DHX35: variants seen among roughly 807,000 people sequenced by gnomAD.
DHX35 encodes probable ATP-dependent RNA helicase DHX35.
DHX35 carries 84 observed loss-of-function variants against 99.6 expected under a neutral mutation model. That is an observed-to-expected ratio of 0.84 (90% CI 0.71 to 1.01). The LOEUF is 1.01. Among genes scored for constraint, DHX35 ranks in the 50% least tolerant of loss-of-function variants. DHX35 has a pLI of 0.00. For synonymous variants in DHX35, 331 were observed against 316.2 expected (o/e 1.05, Z -0.50); for missense variants, 852 against 888.5 (o/e 0.96, Z 0.52).
intron 19 of DHX35, 111 bp downstream of exon 19, chr20:39,028,610 A>C: frequency 8.2e-7 from 1 of 1,213,932 alleles, no homozygotes; most frequent in South Asian, 1.4e-5. Flanking sequence ...TGTAATTTCT[A>C]CCATGTCTCC....
intron 11 of DHX35, among the ~76,000 whole-genome samples, chr20:39,004,131 C>T (rs2086572345): frequency 6.6e-6 from 1 of 152,066 alleles, no homozygotes; most frequent in Non-Finnish European, 1.5e-5. Flanking sequence ...GGCGCGATCT[C>T]AGCTCACTGC....
At chr20:38,973,480 C>T (rs1335848322) in intron 3 of DHX35, among the ~76,000 whole-genome samples, 4 of 152,194 alleles carry the variant, frequency 2.6e-5, no homozygotes, top group Non-Finnish European at 5.9e-5. Flanking sequence ...TCTCTAACTG[C>T]CATGTCTGCT....
In DHX35 at chr20:38,993,916, G is replaced by A. The variant is rs62202579; in HGVS notation, c.583-905G>A. Among the ~76,000 whole-genome samples the A allele has an allele frequency of 8.5e-3, 1,301 of 152,178 alleles. 20 individuals are homozygous for A. Among genetic ancestry groups the A allele is most frequent in the African/African-American group, 0.03 (1,240 of 41,520 alleles). ...CAGCTAGACTGTGAGGTTCTTTTGTGCAAATTAGAAAAAGATGTTCCCTCT... is the reference window on the plus strand; with the variant it reads ...CAGCTAGACTGTGAGGTTCTTTTGTACAAATTAGAAAAAGATGTTCCCTCT... On this transcript the variant is annotated intron_variant, in intron 7 of 21. Transcript: ENST00000252011.
chr20:39,002,925 T>C lies in DHX35; in HGVS notation c.852+57T>C, dbSNP rs2086545478. 1.6e-5 allele frequency: 22 copies of C among 1,385,192 alleles called. No individual in the cohort carries two copies. In the South Asian group the frequency reaches 2.5e-4, roughly 16 times the overall value. 85.8% of individuals were successfully genotyped at this position (1,385,192 alleles called of 1,614,324 possible). A position where few individuals can be genotyped will look rare whatever the true frequency, so the allele number is the denominator to read the frequency against. The stretch of plus-strand genomic sequence containing the variant: ...CATGTTAAGACAGCACCAAAAGTAA[T>C]ACAGAGCCTTGTTACTTTACTCAGT... On this transcript the variant is annotated intron_variant, in intron 10 of 21. Transcript: ENST00000252011.
At chr20:39,032,714 CA>C (rs2087076088) in intron 20 of DHX35, among the ~76,000 whole-genome samples, 1 of 152,172 alleles carries the variant, frequency 6.6e-6, no homozygotes, top group African/African-American at 2.4e-5. Flanking sequence ...CAGGCCATGC[CA>C]AGTCCCATTC....
At chr20:38,962,603 T>C in intron 1 of DHX35, 196 bp downstream of exon 1, 1 of 630,908 alleles carries the variant, frequency 1.6e-6, no homozygotes, top group Admixed American at 3.0e-5. Flanking sequence ...TCCCCTAGCG[T>C]GAGCAGAAAC....
At chr20:38,965,971 C>G (rs924051339) in intron 1 of DHX35, among the ~76,000 whole-genome samples, 28 of 152,172 alleles carry the variant, frequency 1.8e-4, no homozygotes, top group African/African-American at 6.3e-4. Context: ...AGCACACATA[C>G]ACAACTGAAG....
intron 13 of DHX35, among the ~76,000 whole-genome samples, chr20:39,011,150 A>G (rs2086696421): frequency 6.6e-6 from 1 of 151,828 alleles, no homozygotes; most frequent in Middle Eastern, 3.2e-3. Context: ...TAAGCTATTT[A>G]TCTGTTAGAA....
intron 21 of DHX35, among the ~76,000 whole-genome samples, chr20:39,037,400 C>T (rs887564341): frequency 2.6e-5 from 4 of 152,332 alleles, no homozygotes; most frequent in African/African-American, 9.6e-5. Flanking sequence ...GTAGTCCTCC[C>T]TCAGGTGTAA....
At chr20:38,965,969 T>C (rs2145826177) in intron 1 of DHX35, among the ~76,000 whole-genome samples, 1 of 152,366 alleles carries the variant, frequency 6.6e-6, no homozygotes, top group African/African-American at 2.4e-5. Context: ...ATAGCACACA[T>C]ACACAACTGA....
chr20:38,962,476 C>T, intron 1 of DHX35, 69 bp downstream of exon 1: 2 of 1,568,742 alleles, frequency 1.3e-6, no homozygotes, highest in Admixed American at 1.8e-5. Flanking sequence ...GCGGCCGGCG[C>T]CCTGGGGCCA....
chr20:38,964,492 G>A (rs570128685), intron 1 of DHX35, among the ~76,000 whole-genome samples: 4 of 151,888 alleles, frequency 2.6e-5, no homozygotes, highest in South Asian at 2.1e-4. Context: ...GTGCAGTGGC[G>A]CAATCTCGGC....
chr20:39,030,701 A>C lies in DHX35; in HGVS notation c.1884-3A>C. On this transcript the variant is annotated splice_region_variant and splice_polypyrimidine_tract_variant and intron_variant, in intron 19 of 21. Transcript: ENST00000252011. ...TTCAGACAAAATTCTTCTATGTTCCAAGGACCATCCGTGATGACCATGAGC... is the reference window on the plus strand; with the variant it reads ...TTCAGACAAAATTCTTCTATGTTCCCAGGACCATCCGTGATGACCATGAGC... The C allele has an allele frequency of 6.2e-7, 1 of 1,613,988 alleles. No individual in the cohort carries two copies. Among genetic ancestry groups the C allele is most frequent in the Non-Finnish European group, 8.5e-7 (1 of 1,179,996 alleles).
intron 21 of DHX35, among the ~76,000 whole-genome samples, chr20:39,036,834 A>G (rs1436029842): frequency 6.6e-6 from 1 of 151,914 alleles, no homozygotes; most frequent in Non-Finnish European, 1.5e-5. Flanking sequence ...TTAACTGTAT[A>G]GTCCAAGGGC....
chr20:38,973,168 C>T (rs1469278513), intron 3 of DHX35, among the ~76,000 whole-genome samples: 2 of 152,090 alleles, frequency 1.3e-5, no homozygotes, highest in Non-Finnish European at 2.9e-5. Context: ...TATTCCAAGC[C>T]AGTGAATATT....
chr20:38,999,046 G>T (rs1403302049), intron 8 of DHX35, among the ~76,000 whole-genome samples: 1 of 152,032 alleles, frequency 6.6e-6, no homozygotes, highest in Non-Finnish European at 1.5e-5. Flanking sequence ...CCATCCACCC[G>T]CCTTGGCCTC....
At chr20:39,025,141 G>C (rs1048875305) in intron 17 of DHX35, 89 bp from the exon 18 acceptor site, 1 of 1,436,272 alleles carries the variant, frequency 7.0e-7, no homozygotes, top group Non-Finnish European at 9.4e-7. Context: ...AACAGCACAT[G>C]GGGGAAGAGA....
In DHX35 at chr20:38,962,394, G is replaced by A. The variant is rs2085844373; in HGVS notation, c.27G>A (p.Lys9=). MAAPVGPV[K]FWRPGTEGPG... ...TGGCTGCGCCCGTGGGACCGGTGAA[G>A]TTCTGGCGACCCGGTAAGGCCCTTG... is the stretch of plus-strand genomic sequence containing the variant. Residue 9 remains lysine (K), a synonymous_variant, in exon 1 of 22, where the codon AAG becomes AAA. Transcript: ENST00000252011. 6.2e-7 allele frequency: 1 copy of A among 1,612,996 alleles called. No homozygotes were observed. Among genetic ancestry groups the A allele is most frequent in the Non-Finnish European group, 8.5e-7 (1 of 1,179,396 alleles).
At chr20:38,981,160 C>CA (rs1172524532) in intron 3 of DHX35, among the ~76,000 whole-genome samples, 1 of 152,172 alleles carries the variant, frequency 6.6e-6, no homozygotes, top group Non-Finnish European at 1.5e-5. Context: ...GCCTGTGAAA[C>CA]TACTGTCTTT....
Sources: gnomAD v4.1 joint callset for allele counts (sites outside exome capture counted in the v4.1 genomes callset) on GRCh38, gnomAD v4.1.1 for gene constraint, MANE v1.5 for transcripts, NCBI Gene and HGNC (gene_info 2026-07-23, HGNC 2026-07-21) for gene names.